CLVS2: variants seen among roughly 807,000 people sequenced by gnomAD.
The protein encoded by CLVS2 is clavesin 2, also known as clavesin-2.
In CLVS2, 19 loss-of-function variants were observed where a neutral mutation model predicts 29.0. The observed-to-expected ratio is 0.66, with a 90% CI of 0.46 to 0.96. CLVS2 has a LOEUF of 0.96. Ranked by LOEUF, CLVS2 falls within the 40% of genes least tolerant of loss-of-function variation. CLVS2 has a pLI of 0.00. For missense variants in CLVS2, 294 were observed against 404.1 expected (o/e 0.73, Z 2.34); for synonymous variants, 161 against 151.3 (o/e 1.06, Z -0.47).
At chr6:123,031,607 AC>A (rs1414958750) in intron 3 of CLVS2, among the ~76,000 whole-genome samples, 1 of 152,210 alleles carries the variant, frequency 6.6e-6, no homozygotes, top group Non-Finnish European at 1.5e-5. Context: ...GTCTGTGTCT[AC>A]CAAAACCCTA....
chr6:123,049,628 T>A (rs1311970617), intron 4 of CLVS2, among the ~76,000 whole-genome samples: 4 of 152,198 alleles, frequency 2.6e-5, no homozygotes, highest in Admixed American at 6.5e-5. Context: ...AGTTTTCGAA[T>A]GATTAGTTCC....
chr6:123,038,635 C>A (rs1002457302), intron 3 of CLVS2, among the ~76,000 whole-genome samples: 39 of 151,906 alleles, frequency 2.6e-4, no homozygotes, highest in Admixed American at 5.2e-4. Flanking sequence ...TTTTTCCAAG[C>A]CTTTCACATT....
At chr6:123,036,555 T>C (rs1029624591) in intron 3 of CLVS2, among the ~76,000 whole-genome samples, 2 of 152,174 alleles carry the variant, frequency 1.3e-5, no homozygotes, top group African/African-American at 4.8e-5. Flanking sequence ...TTCTTTCTTG[T>C]TGTGTTAAAT....
chr6:123,039,950 T>C (rs1775204195), intron 3 of CLVS2, among the ~76,000 whole-genome samples: 1 of 152,166 alleles, frequency 6.6e-6, no homozygotes, highest in South Asian at 2.1e-4. Flanking sequence ...TTTCACTCCA[T>C]ATGCAAAGTT....
intron 3 of CLVS2, among the ~76,000 whole-genome samples, chr6:123,047,877 T>A (rs1025959402): frequency 6.6e-6 from 1 of 152,162 alleles, no homozygotes. Context: ...TGCCATTCAT[T>A]TGGGTTAAGG....
chr6:123,028,071 C>A (rs868741982), intron 3 of CLVS2, among the ~76,000 whole-genome samples: 3 of 152,148 alleles, frequency 2.0e-5, no homozygotes, highest in African/African-American at 7.2e-5. Context: ...TACAAATTCA[C>A]AGTTGGACAA....
At chr6:123,033,746 G>A (rs1318649187) in intron 3 of CLVS2, among the ~76,000 whole-genome samples, 1 of 152,024 alleles carries the variant, frequency 6.6e-6, no homozygotes, top group African/African-American at 2.4e-5. Flanking sequence ...AATTTGCTCT[G>A]TGAAACATCC....
chr6:123,063,054 G>T (rs1311646966), intron 5 of CLVS2, among the ~76,000 whole-genome samples: 1 of 152,072 alleles, frequency 6.6e-6, no homozygotes, highest in Non-Finnish European at 1.5e-5. Context: ...AAACAAGAGG[G>T]GGTTTTACTT....
chr6:123,048,514 C>T, intron 3 of CLVS2, 108 bp from the exon 4 acceptor site: 1 of 677,370 alleles, frequency 1.5e-6, no homozygotes, highest in Admixed American at 2.6e-5. Flanking sequence ...CACAGATAAT[C>T]TCATCTAAGT....
At chr6:123,046,075 G>A (rs928372229) in intron 3 of CLVS2, among the ~76,000 whole-genome samples, 9 of 152,156 alleles carry the variant, frequency 5.9e-5, no homozygotes, top group Non-Finnish European at 1.2e-4. Flanking sequence ...AGATCACAGT[G>A]AGGGAAAGAA....
chr6:123,028,167 A>G (rs1040246218), intron 3 of CLVS2, among the ~76,000 whole-genome samples: 1 of 152,184 alleles, frequency 6.6e-6, no homozygotes, highest in African/African-American at 2.4e-5. Context: ...GAGCATCTGA[A>G]TGTGATTGTT....
chr6:123,002,715 TTTAATTTTTCAGC>T (rs1455592769), intron 2 of CLVS2, among the ~76,000 whole-genome samples: 3 of 152,062 alleles, frequency 2.0e-5, no homozygotes, highest in African/African-American at 7.2e-5. Context: ...AAATAAGAAG[TTTAATTTTTCAGC>T]TTAATTTTTC....
In CLVS2 at chr6:123,064,041, A is replaced by G; in HGVS notation, c.*280A>G. 1 of 272,056 alleles carries G rather than the reference A, an allele frequency of 3.7e-6. No homozygotes were observed. The highest frequency in any genetic ancestry group is 7.7e-5 in the East Asian group (1 of 12,984). The allele number at this position is 272,056 out of a possible 1,614,324, so 16.9% of individuals were successfully genotyped here. ...AATTTCAGTAGTAACTCAGTTTGGA[A>G]AAAGGTTGGCTCAAAAGTCCATGCC... On this transcript the variant is annotated 3_prime_UTR_variant, in exon 6 of 6. Coordinates refer to ENST00000275162, the MANE Select transcript of CLVS2 (RefSeq NM_001010852.4).
At chr6:123,020,284 C>T (rs1189290636) in intron 3 of CLVS2, among the ~76,000 whole-genome samples, 3 of 151,922 alleles carry the variant, frequency 2.0e-5, no homozygotes, top group South Asian at 2.1e-4. Flanking sequence ...ATCTTAAAAC[C>T]CAAGATCTGA....
rs1772725460 is a variant in CLVS2 at position 123,058,373 on chromosome 6, T to C, written c.896+2347T>C. Among the ~76,000 whole-genome samples the C allele has an allele frequency of 2.0e-5, 3 of 152,136 alleles. No individual in the cohort carries two copies. The South Asian group carries it at 6.2e-4, about 32-fold the overall frequency. On this transcript the variant is annotated intron_variant, in intron 5 of 5. Coordinates refer to ENST00000275162, the MANE Select transcript of CLVS2 (RefSeq NM_001010852.4). ...GGCAGCTGTCATCGGTGTCCACTAG[T>C]GTTCTTCTTTGTCAGCTAATGAGGC...
intron 3 of CLVS2, among the ~76,000 whole-genome samples, chr6:123,033,017 T>C (rs541139679): frequency 1.3e-5 from 2 of 152,186 alleles, no homozygotes; most frequent in African/African-American, 4.8e-5. Flanking sequence ...TTTCTGCTAA[T>C]TTTTCTCAGT....
chr6:123,054,522 T>C (rs1772661872), intron 4 of CLVS2, among the ~76,000 whole-genome samples: 1 of 152,250 alleles, frequency 6.6e-6, no homozygotes. Flanking sequence ...ACTACCATCT[T>C]CTAATTTTAT....
chr6:123,010,847 A>G, intron 2 of CLVS2, 138 bp from the exon 3 acceptor site: 1 of 499,220 alleles, frequency 2.0e-6, no homozygotes, highest in Non-Finnish European at 3.4e-6. Context: ...TCTTCCTAAA[A>G]TAGGTTTTTA....
At chr6:123,056,223 A>T (rs1015349328) in intron 5 of CLVS2, among the ~76,000 whole-genome samples, 197 bp downstream of exon 5, 2 of 152,198 alleles carry the variant, frequency 1.3e-5, no homozygotes, top group East Asian at 1.9e-4. Context: ...TTTAAAATTT[A>T]TTCTCTTAGC....
Sources: gnomAD v4.1 joint callset for allele counts (sites outside exome capture counted in the v4.1 genomes callset) on GRCh38, gnomAD v4.1.1 for gene constraint, MANE v1.5 for transcripts, NCBI Gene and HGNC (gene_info 2026-07-23, HGNC 2026-07-21) for gene names.